Variants in CST7 observed in about 807,000 individuals in gnomAD.
CST7 encodes cystatin-F.
In CST7, 15 loss-of-function variants were observed where a neutral mutation model predicts 13.1. That is an observed-to-expected ratio of 1.14 (90% CI 0.77 to 1.76). The LOEUF is 1.76. Ranked by LOEUF, CST7 falls within the 40% of genes most tolerant of loss-of-function variation. CST7 has a pLI of 0.00. For synonymous variants in CST7, 75 were observed against 66.9 expected (o/e 1.12, Z -0.59); for missense variants, 193 against 178.8 (o/e 1.08, Z -0.45).
Position 24,956,909 on chromosome 20 carries a change from GGGACA to G in CST7, c.71-375_71-371del, listed in dbSNP as rs371273570. 3.4e-3 allele frequency among the ~76,000 whole-genome samples: 500 copies of G among 148,174 alleles called. 4 individuals are homozygous for G. The highest frequency in any genetic ancestry group is 0.012 in the African/African-American group (484 of 39,872). The stretch of plus-strand genomic sequence containing the variant: ...AAATAACCCTGGGTTCTGAAAGTGG[GGGACA>G]GGTTCATTGCACCCCCTGGCACCTG... On this transcript the variant is annotated intron_variant, in intron 1 of 3. Coordinates refer to ENST00000480798, the MANE Select transcript of CST7 (RefSeq NM_003650.4).
intron 1 of CST7, among the ~76,000 whole-genome samples, chr20:24,957,046 C>A (rs1417856147): frequency 1.7e-3 from 2 of 1,170 alleles, no homozygotes; most frequent in African/African-American, 4.5e-3. Flanking sequence ...TGAGAGGGGG[C>A]AGGTGAGGGA....
chr20:24,956,737 G>A (rs541218501), intron 1 of CST7, among the ~76,000 whole-genome samples: 24 of 152,044 alleles, frequency 1.6e-4, no homozygotes, highest in African/African-American at 5.3e-4. Flanking sequence ...AGACGAGGAC[G>A]GCGCCATCTC....
At chr20:24,958,243 G>A (rs936789310) in intron 2 of CST7, among the ~76,000 whole-genome samples, 1 of 152,122 alleles carries the variant, frequency 6.6e-6, no homozygotes, top group African/African-American at 2.4e-5. Context: ...CAGGGTCCTC[G>A]CTCTGCAGCC....
rs1568806355 is a variant in CST7, at chr20:24,957,466, G to A, written c.243+7G>A. 6.2e-7 allele frequency: 1 copy of A among 1,612,796 alleles called. No individual in the cohort carries two copies. Reference sequence around the variant, plus strand: ...CACAAGGGCCCTAGTTCAGGTAACGGTCTGGGTTCTGGTCACATATCACGG... The same window carrying A: ...CACAAGGGCCCTAGTTCAGGTAACGATCTGGGTTCTGGTCACATATCACGG... On this transcript the variant is annotated splice_region_variant and intron_variant, in intron 2 of 3. Transcript: ENST00000480798.
chr20:24,957,569 T>A, intron 2 of CST7, 110 bp downstream of exon 2: 1 of 1,071,414 alleles, frequency 9.3e-7, no homozygotes, highest in Non-Finnish European at 1.4e-6. Context: ...CCCTGCTGAG[T>A]GCAGAGCTCT....
rs760706023 is a variant in CST7 at position 24,949,347 on chromosome 20, T to C, written c.-159T>C. 56 of 1,539,312 alleles carry C rather than the reference T, an allele frequency of 3.6e-5. No individual in the cohort carries two copies. The highest frequency in any genetic ancestry group is 4.5e-4 in the Middle Eastern group (2 of 4,460). On this transcript the variant is annotated 5_prime_UTR_variant, in exon 1 of 4. Coordinates refer to ENST00000480798, the MANE Select transcript of CST7 (RefSeq NM_003650.4). ...ACTGGCCCGTGCTGCCTGAGAAGGA[T>C]TGGCACGGGCACAGACCACTGCCCC...
At chr20:24,956,229 G>A (rs987599890) in intron 1 of CST7, among the ~76,000 whole-genome samples, 7 of 152,130 alleles carry the variant, frequency 4.6e-5, no homozygotes, top group Admixed American at 2.6e-4. Context: ...AGACATCCAG[G>A]ACCCAGGAAA....
In CST7 at chr20:24,949,561, G is replaced by A. The variant is rs760116553; in HGVS notation, c.56G>A (p.Gly19Glu). 6.2e-7 allele frequency: 1 copy of A among 1,614,094 alleles called. No individual in the cohort carries two copies. The highest frequency in any genetic ancestry group is 1.7e-5 in the Admixed American group (1 of 60,024). ...TGCTGCCTGGTCTTGAGCACCACTG[G>A]GGGCCCTTCCCCAGGTAAGTGGCGT... ...AFCCLVLSTT[G>E]GPSPDTCSQD... is the part of the protein sequence containing the mutation. The change falls in exon 1 of 4, where the codon GGG becomes GAG. Residue 19 changes from glycine (G) to glutamate (E), a missense_variant. Transcript: ENST00000480798.
At chr20:24,954,174 G>A (rs1600960666) in intron 1 of CST7, among the ~76,000 whole-genome samples, 1 of 152,208 alleles carries the variant, frequency 6.6e-6, no homozygotes, top group South Asian at 2.1e-4. Flanking sequence ...TGAGGAAAAA[G>A]TGAGAGTGGT....
intron 3 of CST7, 99 bp downstream of exon 3, chr20:24,959,143 G>GC: frequency 4.2e-6 from 4 of 958,360 alleles, no homozygotes; most frequent in Non-Finnish European, 6.5e-6. Context: ...CTAACGCAGC[G>GC]CCCCAAACCT....
chr20:24,951,323 G>A (rs987938702), intron 1 of CST7, among the ~76,000 whole-genome samples: 4 of 152,200 alleles, frequency 2.6e-5, no homozygotes, highest in African/African-American at 9.6e-5. Flanking sequence ...AGGCATGGAG[G>A]CACATGGGGC....
chr20:24,953,373 A>C lies in CST7; in HGVS notation c.70+3798A>C, dbSNP rs373774721. 2.4e-4 allele frequency among the ~76,000 whole-genome samples: 36 copies of C among 152,282 alleles called. No individual in the cohort carries two copies. The East Asian group carries it at 5.2e-3, about 22-fold the overall frequency. ...GATGTCACAGCACAGGGAGAGGAAG[A>C]AGCTGTATTTTCGTGATGATCCTGT... On this transcript the variant is annotated intron_variant, in intron 1 of 3. Transcript: ENST00000480798.
chr20:24,951,714 C>T (rs1250486923), intron 1 of CST7, among the ~76,000 whole-genome samples: 3 of 152,238 alleles, frequency 2.0e-5, no homozygotes, highest in African/African-American at 4.8e-5. Context: ...CACACCCATG[C>T]ACTGAACTGC....
chr20:24,952,089 G>A (rs751460624), intron 1 of CST7, among the ~76,000 whole-genome samples: 2 of 152,250 alleles, frequency 1.3e-5, no homozygotes, highest in Non-Finnish European at 2.9e-5. Flanking sequence ...TACGTGGCAA[G>A]ATTTGTTTTT....
intron 1 of CST7, among the ~76,000 whole-genome samples, chr20:24,954,654 C>T (rs1410787741): frequency 6.6e-6 from 1 of 152,156 alleles, no homozygotes; most frequent in African/African-American, 2.4e-5. Context: ...TTGAAGCCTA[C>T]ATTTTAGGAA....
chr20:24,955,037 A>C (rs958981723), intron 1 of CST7, among the ~76,000 whole-genome samples: 1 of 97,722 alleles, frequency 1.0e-5, no homozygotes, highest in Admixed American at 1.2e-4. Context: ...AAAGAAAGCA[A>C]AACAACAACA....
intron 1 of CST7, among the ~76,000 whole-genome samples, chr20:24,951,962 T>C (rs970156626): frequency 3.9e-5 from 6 of 152,194 alleles, no homozygotes; most frequent in Non-Finnish European, 7.3e-5. Flanking sequence ...CCATTTCAGC[T>C]TCCCTCTGCA....
chr20:24,954,147 A>G (rs1600960632), intron 1 of CST7, among the ~76,000 whole-genome samples: 1 of 152,182 alleles, frequency 6.6e-6, no homozygotes, highest in African/African-American at 2.4e-5. Context: ...AGCACCTGCC[A>G]AACAGTCCGT....
rs2087864550 is a variant in CST7 at position 24,957,289 on chromosome 20, A to G, written c.73A>G (p.Thr25Ala). The G allele has an allele frequency of 2.5e-6, 4 of 1,612,134 alleles. No homozygotes were observed. The highest frequency in any genetic ancestry group is 3.4e-6 in the Non-Finnish European group (4 of 1,179,128). ...GTCTGGCTCTTTGTCTCTTTCAGAT[A>G]CTTGTTCCCAGGACCTTAACTCACG... ...LSTTGGPSPD[T>A]CSQDLNSRVK... The change falls in exon 2 of 4, where the codon ACT becomes GCT. Residue 25 changes from threonine (T) to alanine (A), a missense_variant and splice_region_variant. Thr to Ala is a moderately conservative substitution (Grantham distance 58, BLOSUM62 0). Transcript: ENST00000480798.
Sources: allele counts gnomAD v4.1 joint callset (sites outside exome capture counted in the v4.1 genomes callset), GRCh38; gene constraint gnomAD v4.1.1; transcripts MANE v1.5; gene names NCBI Gene and HGNC (gene_info 2026-07-23, HGNC 2026-07-21).